The following ST6GALNAC6 variants were observed in gnomAD, a reference collection of about 807,000 sequenced individuals.
The protein encoded by ST6GALNAC6 is ST6 N-acetylgalactosaminide alpha-2,6-sialyltransferase 6, also known as alpha-N-acetylgalactosaminide alpha-2,6-sialyltransferase 6.
ST6GALNAC6 carries 19 observed loss-of-function variants against 34.3 expected under a neutral mutation model. The observed-to-expected ratio is 0.55, with a 90% confidence interval of 0.39 to 0.81. The LOEUF (loss-of-function observed/expected upper bound fraction) is 0.81. ST6GALNAC6 is among the 40% of genes least tolerant of loss of function. The pLI, the probability that ST6GALNAC6 is intolerant of heterozygous loss-of-function variation, is 0.00. For synonymous variants in ST6GALNAC6, 185 were observed against 182.1 expected (o/e 1.02, Z -0.13); for missense variants, 377 against 467.7 (o/e 0.81, Z 1.79).
intron 4 of ST6GALNAC6, among the ~76,000 whole-genome samples, chr9:127,891,775 G>T (rs1413337404): frequency 3.6e-4 from 49 of 135,246 alleles, no homozygotes; most frequent in Non-Finnish European, 7.1e-4. Flanking sequence ...GGGACAGAGA[G>T]GGGGGAGAGG....
chr9:127,899,541 C>G lies in ST6GALNAC6; in HGVS notation c.-68G>C, dbSNP rs922543705. 2 of 980,960 alleles carry G rather than the reference C, an allele frequency of 2.0e-6. No homozygotes were observed. The highest frequency in any genetic ancestry group is 3.5e-5 in the African/African-American group (2 of 56,774). 60.8% of individuals were successfully genotyped at this position (980,960 alleles called of 1,614,324 possible). On this transcript the variant is annotated 5_prime_UTR_variant, in exon 1 of 7. Transcript: ENST00000373146. ...CGCCCGGCCCCCCGCGGCCCCCGAG[C>G]CCCCTCACATGGCGCCGGGAGCCGA...
intron 2 of ST6GALNAC6, chr9:127,896,983 C>T (rs1830499060): frequency 2.0e-6 from 2 of 978,692 alleles, no homozygotes; most frequent in Non-Finnish European, 1.2e-6. Context: ...GGGCTAAGGG[C>T]ACAGACTCAA....
At chr9:127,897,740 G>T in intron 2 of ST6GALNAC6, 1 of 1,192,478 alleles carries the variant, frequency 8.4e-7, no homozygotes, top group Non-Finnish European at 1.1e-6. Flanking sequence ...GGCATTCAAG[G>T]CGCCCAGGGG....
intron 1 of ST6GALNAC6, among the ~76,000 whole-genome samples, chr9:127,898,353 A>C (rs897059507): frequency 1.3e-5 from 2 of 152,242 alleles, no homozygotes; most frequent in Non-Finnish European, 2.9e-5. Flanking sequence ...AGATGGTGCC[A>C]CTGCACTCCA....
At position 127,885,322 on chromosome 9, in the gene ST6GALNAC6, C is replaced by A. The variant is rs942935801; in HGVS notation, c.*1277G>T. The A allele has an allele frequency of 6.6e-6, 1 of 152,252 alleles. No individual in the cohort carries two copies. The highest frequency in any genetic ancestry group is 6.5e-5 in the Admixed American group (1 of 15,276). 9.4% of individuals were successfully genotyped at this position (152,252 alleles called of 1,614,324 possible). A position where few individuals can be genotyped will look rare whatever the true frequency, so the allele number is the denominator to read the frequency against. On this transcript the variant is annotated 3_prime_UTR_variant, in exon 7 of 7. Coordinates refer to ENST00000373146, the MANE Select transcript of ST6GALNAC6 (RefSeq NM_013443.5). ...ACCCAGGTGACACAGGACACGAAGC[C>A]GGAGCGTAGGTGTGTTTATTCCTGT...
chr9:127,900,221 G>A (rs766920633), upstream of ST6GALNAC6, among the ~76,000 whole-genome samples: 2 of 152,232 alleles, frequency 1.3e-5, no homozygotes, highest in Non-Finnish European at 2.9e-5. Flanking sequence ...GACTGCTTAA[G>A]TTAAGGCACA....
In ST6GALNAC6 at chr9:127,891,033, G is replaced by A. The variant is rs780796682; in HGVS notation, c.308C>T (p.Ser103Phe). The A allele has an allele frequency of 1.9e-6, 3 of 1,613,938 alleles. No homozygotes were observed. Among genetic ancestry groups the A allele is most frequent in the Admixed American group, 1.7e-5 (1 of 60,024 alleles). ...GACAATCACACACTGGTGGCACCGA[G>A]AGGGCAGTGTCTGGTGGATAAGGAA... is the stretch of plus-strand genomic sequence containing the variant. ...VPILGNKTLPSRCHQCVIVSS... is the reference protein window; with the variant it reads ...VPILGNKTLPFRCHQCVIVSS... Residue 103 changes from serine to phenylalanine, a missense_variant, in exon 5 of 7, where the codon TCT (serine) becomes TTT (phenylalanine). By Grantham distance (155) the Ser-to-Phe change is radical. Coordinates refer to ENST00000373146, the MANE Select transcript of ST6GALNAC6 (RefSeq NM_013443.5).
intron 2 of ST6GALNAC6, 97 bp from the exon 3 acceptor site, chr9:127,896,429 AC>A: frequency 9.5e-7 from 1 of 1,048,282 alleles, no homozygotes; most frequent in Non-Finnish European, 1.4e-6. Context: ...TCTTCTATGC[AC>A]CCAGAACTTT....
intron 3 of ST6GALNAC6, 118 bp downstream of exon 3, chr9:127,896,124 G>C: frequency 8.2e-7 from 1 of 1,213,026 alleles, no homozygotes; most frequent in South Asian, 1.2e-5. Flanking sequence ...GGCATGGGCA[G>C]CTTCTTGCGG....
At chr9:127,889,241 G>C (rs148222067) in intron 5 of ST6GALNAC6, among the ~76,000 whole-genome samples, 5 of 151,674 alleles carry the variant, frequency 3.3e-5, no homozygotes, top group African/African-American at 1.2e-4. Flanking sequence ...CCAGCTACTT[G>C]GGAGGCTGAG....
At chr9:127,902,046 G>T (rs1329796205), upstream of ST6GALNAC6, among the ~76,000 whole-genome samples, 1 of 152,184 alleles carries the variant, frequency 6.6e-6, no homozygotes, top group African/African-American at 2.4e-5. Context: ...AGAGGTTCAT[G>T]ATATTTTTAT....
chr9:127,896,665 C>G (rs1284694706), intron 2 of ST6GALNAC6, among the ~76,000 whole-genome samples: 2 of 152,324 alleles, frequency 1.3e-5, no homozygotes, highest in South Asian at 2.1e-4. Flanking sequence ...TGCTCTAAAC[C>G]CTGCCTTGGG....
chr9:127,891,312 A>G (rs1348785267), intron 4 of ST6GALNAC6, among the ~76,000 whole-genome samples: 2 of 152,174 alleles, frequency 1.3e-5, no homozygotes, highest in Non-Finnish European at 2.9e-5. Context: ...TGCCAGGAAA[A>G]AAAAAGAAAA....
At position 127,897,947 on chromosome 9, in the gene ST6GALNAC6, A is replaced by C. The variant is rs2131573774; in HGVS notation, c.26+9T>G. The stretch of plus-strand genomic sequence containing the variant: ...AGCTGCCAGTGCGAATCCCGGTTTC[A>C]CCACTTACTGGCTGGGGGGCCTCGA... On this transcript the variant is annotated intron_variant, in intron 2 of 6. Coordinates refer to ENST00000373146, the MANE Select transcript of ST6GALNAC6 (RefSeq NM_013443.5). 1 of 1,612,678 alleles carries C rather than the reference A, an allele frequency of 6.2e-7. No homozygotes were observed. The highest frequency in any genetic ancestry group is 1.7e-4 in the Middle Eastern group (1 of 6,060).
chr9:127,904,008 C>T (rs951240779), upstream of ST6GALNAC6: 2 of 152,268 alleles, frequency 1.3e-5, no homozygotes, highest in African/African-American at 4.8e-5. Flanking sequence ...GGATTTGCTT[C>T]AGGGCTGGCT....
Position 127,897,960 on chromosome 9 carries a change from T to C in ST6GALNAC6, c.22A>G (p.Ser8Gly), listed in dbSNP as rs780809552. The change falls in exon 2 of 7, where the codon AGC becomes GGC. Residue 8 changes from serine to glycine, a missense_variant. Transcript: ENST00000373146. MACSRPP[S>G]QCEPTSLPPG... is the part of the protein sequence containing the mutation. Reference sequence around the variant, plus strand: ...AATCCCGGTTTCACCACTTACTGGCTGGGGGGCCTCGAGCAAGCCATGTGA... The same window carrying C: ...AATCCCGGTTTCACCACTTACTGGCCGGGGGGCCTCGAGCAAGCCATGTGA... 6.2e-7 allele frequency: 1 copy of C among 1,608,994 alleles called. No homozygotes were observed. The highest frequency in any genetic ancestry group is 1.1e-5 in the South Asian group (1 of 90,474).
chr9:127,896,208 G>T (rs1564490886), intron 3 of ST6GALNAC6, 34 bp downstream of exon 3: 3 of 1,606,704 alleles, frequency 1.9e-6, no homozygotes, highest in East Asian at 2.2e-5. Flanking sequence ...GAAGTGAGAG[G>T]CTCAATGGGG....
chr9:127,895,256 C>T (rs577195460), intron 3 of ST6GALNAC6, among the ~76,000 whole-genome samples: 1 of 152,232 alleles, frequency 6.6e-6, no homozygotes, highest in African/African-American at 2.4e-5. Context: ...GGAGGAAAAG[C>T]ATTTGCTTCT....
At chr9:127,898,945 C>A (rs1830630404) in intron 1 of ST6GALNAC6, among the ~76,000 whole-genome samples, 1 of 152,198 alleles carries the variant, frequency 6.6e-6, no homozygotes, top group South Asian at 2.1e-4. Flanking sequence ...ATGGACTCAG[C>A]CCAAGGCTGG....
Sources: allele counts gnomAD v4.1 joint callset (sites outside exome capture counted in the v4.1 genomes callset), GRCh38; gene constraint gnomAD v4.1.1; transcripts MANE v1.5; gene names NCBI Gene and HGNC (gene_info 2026-07-23, HGNC 2026-07-21).